MRPS31: variants seen among roughly 807,000 people sequenced by gnomAD.
MRPS31 encodes mitochondrial ribosomal protein S31.
MRPS31 carries 32 observed loss-of-function variants against 43.1 expected under a neutral mutation model. The ratio of observed to expected loss-of-function variants is 0.74; its 90% CI spans 0.56 to 1.00. MRPS31 has a LOEUF of 1.00. Ranked by LOEUF, MRPS31 falls within the 50% of genes least tolerant of loss-of-function variation. The pLI is 0.00. For missense variants in MRPS31, 437 were observed against 466.7 expected (o/e 0.94, Z 0.59); for synonymous variants, 165 against 161.6 (o/e 1.02, Z -0.16).
intron 6 of MRPS31, 50 bp downstream of exon 6, chr13:40,749,088 G>A (rs1880316597): frequency 2.0e-6 from 3 of 1,536,242 alleles, no homozygotes; most frequent in Admixed American, 2.3e-5. Flanking sequence ...ATATCTGGCA[G>A]AAATAATCTC....
At chr13:40,743,594 T>C (rs997696816) in intron 6 of MRPS31, among the ~76,000 whole-genome samples, 7 of 152,068 alleles carry the variant, frequency 4.6e-5, no homozygotes, top group African/African-American at 1.4e-4. Flanking sequence ...AGCAAACATA[T>C]GAAAAATGCT....
At chr13:40,765,367 A>C (rs185707695) in intron 2 of MRPS31, among the ~76,000 whole-genome samples, 1 of 152,214 alleles carries the variant, frequency 6.6e-6, no homozygotes, top group Non-Finnish European at 1.5e-5. Flanking sequence ...AAAAATTTTA[A>C]ATGACCTTTA....
At chr13:40,737,801 A>C (rs1879966147) in intron 6 of MRPS31, among the ~76,000 whole-genome samples, 1 of 152,072 alleles carries the variant, frequency 6.6e-6, no homozygotes. Context: ...TGTAGAGGGA[A>C]ATTTATAGCA....
At chr13:40,762,527 C>T (rs1372465612) in intron 2 of MRPS31, among the ~76,000 whole-genome samples, 2 of 151,540 alleles carry the variant, frequency 1.3e-5, no homozygotes, top group Non-Finnish European at 2.9e-5. Flanking sequence ...TCAACCTCCT[C>T]AGCTCAAGTA....
At chr13:40,736,585 G>A (rs1222193903) in intron 6 of MRPS31, among the ~76,000 whole-genome samples, 6 of 150,784 alleles carry the variant, frequency 4.0e-5, no homozygotes, top group South Asian at 2.1e-4. Flanking sequence ...CGGATCTCTC[G>A]GCAGAAACCC....
chr13:40,736,565 A>G (rs1225511946), intron 6 of MRPS31, among the ~76,000 whole-genome samples: 1 of 151,194 alleles, frequency 6.6e-6, no homozygotes, highest in African/African-American at 2.4e-5. Flanking sequence ...GAAGCCCATC[A>G]GACTAACAGC....
intron 6 of MRPS31, among the ~76,000 whole-genome samples, chr13:40,731,931 T>A (rs1158409603): frequency 2.0e-5 from 3 of 151,490 alleles, no homozygotes; most frequent in Non-Finnish European, 2.9e-5. Flanking sequence ...AATGAATCAA[T>A]GAATGAATGA....
At chr13:40,756,728 A>G (rs1880538402) in intron 4 of MRPS31, 145 bp downstream of exon 4, 1 of 938,502 alleles carries the variant, frequency 1.1e-6, no homozygotes, top group South Asian at 1.7e-5. Context: ...AGTGGTATAC[A>G]GAGAGTAAGA....
chr13:40,730,678 G>A (rs1879661104), intron 6 of MRPS31, among the ~76,000 whole-genome samples: 4 of 151,772 alleles, frequency 2.6e-5, no homozygotes, highest in South Asian at 2.1e-4. Flanking sequence ...CTCCTGCCTC[G>A]GCCTCCCCAG....
In MRPS31 at chr13:40,754,085, T is replaced by C. The variant is rs776228534; in HGVS notation, c.748A>G (p.Ile250Val). The C allele has an allele frequency of 6.4e-7, 1 of 1,568,016 alleles. No individual in the cohort carries two copies. Among genetic ancestry groups the C allele is most frequent in the East Asian group, 2.3e-5 (1 of 44,122 alleles). Residue 250 changes from isoleucine (I) to valine (V), a missense_variant, in exon 5 of 7, where the codon ATA (isoleucine) becomes GTA (valine). Physicochemically the swap from Ile to Val is conservative, Grantham distance 29 (BLOSUM62 3). Transcript: ENST00000323563. ...ATATTAAGTCTTTTCCCTGTGAATATATTTTTCCTAAGTCCAAAAAAAGAA... is the reference window on the plus strand; with the variant it reads ...ATATTAAGTCTTTTCCCTGTGAATACATTTTTCCTAAGTCCAAAAAAAGAA... ...KTDDLKKRKN[I>V]FTGKRLNIFD...
intron 6 of MRPS31, among the ~76,000 whole-genome samples, chr13:40,734,838 G>A (rs1879830041): frequency 6.6e-6 from 1 of 152,186 alleles, no homozygotes; most frequent in South Asian, 2.1e-4. Context: ...CGAGGTTGCA[G>A]TGAGCCATGA....
At position 40,766,940 on chromosome 13, in the gene MRPS31, C is replaced by A; in HGVS notation, c.246G>T (p.Lys82Asn). The change falls in exon 2 of 7, where the codon AAG (lysine) becomes AAT (asparagine). Residue 82 changes from lysine to asparagine, a missense_variant. By Grantham distance (94) the Lys-to-Asn change is moderately conservative. Transcript: ENST00000323563. ...KQSVRTEETSKETSESQDSEK... is the reference protein window; with the variant it reads ...KQSVRTEETSNETSESQDSEK... Reference sequence around the variant, plus strand: ...CACTGTCTTGGCTCTCTGAAGTCTCCTTGGAAGTCTCCTCAGTTCGAACAG... The same window carrying A: ...CACTGTCTTGGCTCTCTGAAGTCTCATTGGAAGTCTCCTCAGTTCGAACAG... 6.2e-7 allele frequency: 1 copy of A among 1,614,064 alleles called. No individual in the cohort carries two copies. The highest frequency in any genetic ancestry group is 8.5e-7 in the Non-Finnish European group (1 of 1,180,016).
At chr13:40,754,179 T>G (rs1265486868) in intron 4 of MRPS31, 87 bp from the exon 5 acceptor site, 8 of 737,868 alleles carry the variant, frequency 1.1e-5, no homozygotes, top group South Asian at 2.0e-5. Context: ...AAGTGAAATA[T>G]TCTATGTAGA....
intron 6 of MRPS31, among the ~76,000 whole-genome samples, chr13:40,744,885 AT>A (rs1880199820): frequency 6.6e-6 from 1 of 152,014 alleles, no homozygotes; most frequent in African/African-American, 2.4e-5. Flanking sequence ...AAGTGCTGGG[AT>A]TACAGGCATG....
At chr13:40,750,770 ATATT>A (rs1362522247) in intron 5 of MRPS31, among the ~76,000 whole-genome samples, 12 of 138,168 alleles carry the variant, frequency 8.7e-5, no homozygotes, top group South Asian at 2.3e-4. Context: ...ATATATATAT[ATATT>A]ACATATATAT....
At chr13:40,751,785 A>G (rs1880398052) in intron 5 of MRPS31, among the ~76,000 whole-genome samples, 1 of 152,242 alleles carries the variant, frequency 6.6e-6, no homozygotes, top group African/African-American at 2.4e-5. Context: ...CAAGTATAGC[A>G]TATTTAAACA....
intron 6 of MRPS31, among the ~76,000 whole-genome samples, chr13:40,738,160 C>T (rs1342615818): frequency 6.6e-6 from 1 of 152,032 alleles, no homozygotes; most frequent in African/African-American, 2.4e-5. Context: ...CTACAAACAC[C>T]TCTACGCAAA....
intron 6 of MRPS31, among the ~76,000 whole-genome samples, chr13:40,736,452 G>C (rs2137994742): frequency 6.9e-6 from 1 of 145,184 alleles, no homozygotes; most frequent in East Asian, 2.2e-4. Flanking sequence ...TACTCCTCGA[G>C]AAAAGCAACT....
chr13:40,747,523 T>C (rs1488332616), intron 6 of MRPS31, among the ~76,000 whole-genome samples: 2 of 152,176 alleles, frequency 1.3e-5, no homozygotes, highest in Non-Finnish European at 1.5e-5. Context: ...AACCATACTT[T>C]AAGCAATATA....
Sources: gnomAD v4.1 joint callset for allele counts (sites outside exome capture counted in the v4.1 genomes callset) on GRCh38, gnomAD v4.1.1 for gene constraint, MANE v1.5 for transcripts, NCBI Gene and HGNC (gene_info 2026-07-23, HGNC 2026-07-21) for gene names.